Variants in CDH15 observed in about 807,000 individuals in gnomAD.
CDH15 encodes cadherin 15, also known as cadherin-15.
CDH15 carries 73 observed loss-of-function variants against 69.4 expected under a neutral mutation model. That is an observed-to-expected ratio of 1.05 (90% CI 0.87 to 1.28). The LOEUF (loss-of-function observed/expected upper bound fraction) is 1.28. Ranked by LOEUF, CDH15 falls within the 50% of genes most tolerant of loss-of-function variation. The probability of loss-of-function intolerance (pLI) is 0.00; values close to 1 mark genes in which losing one functional copy is unlikely to be tolerated. For synonymous variants in CDH15, 624 were observed against 507.7 expected (o/e 1.23, Z -3.08); for missense variants, 1,343 against 1,133.6 (o/e 1.18, Z -2.65).
intron 5 of CDH15, among the ~76,000 whole-genome samples, 155 bp from the exon 6 acceptor site, chr16:89,187,274 A>G (rs1421179305): frequency 6.6e-6 from 1 of 152,260 alleles, no homozygotes; most frequent in Admixed American, 6.5e-5. Context: ...ACTTAGGATC[A>G]GGGCAGGATT....
intron 1 of CDH15, among the ~76,000 whole-genome samples, chr16:89,175,210 G>A (rs1915233311): frequency 6.6e-6 from 1 of 152,232 alleles, no homozygotes; most frequent in Non-Finnish European, 1.5e-5. Context: ...TCCGGTGGAG[G>A]CAGCTGGAGG....
intron 8 of CDH15, among the ~76,000 whole-genome samples, chr16:89,190,804 G>T (rs935044899): frequency 3.3e-5 from 5 of 152,040 alleles, no homozygotes; most frequent in Non-Finnish European, 5.9e-5. Flanking sequence ...TCCAAGCCTG[G>T]CCCTGTGTAT....
intron 13 of CDH15, 124 bp from the exon 14 acceptor site, chr16:89,194,738 G>A (rs1597315076): frequency 1.0e-6 from 1 of 953,166 alleles, no homozygotes. Context: ...CTCGCCCCCG[G>A]ACGTGGGCAG....
At chr16:89,177,481 G>A (rs554704541) in intron 1 of CDH15, among the ~76,000 whole-genome samples, 21 of 152,260 alleles carry the variant, frequency 1.4e-4, no homozygotes, top group African/African-American at 4.8e-4. Flanking sequence ...GGCCTCCAGG[G>A]AGGAGGGTCA....
intron 10 of CDH15, 136 bp downstream of exon 10, chr16:89,192,030 C>CA (rs944623663): frequency 5.2e-6 from 6 of 1,151,472 alleles, no homozygotes; most frequent in African/African-American, 3.0e-5. Flanking sequence ...CGCCACCCCC[C>CA]CCACCACTGC....
intron 8 of CDH15, 110 bp from the exon 9 acceptor site, chr16:89,191,216 GGTAT>G (rs1250203839): frequency 1.2e-5 from 14 of 1,183,694 alleles, no homozygotes; most frequent in Admixed American, 8.5e-5. Flanking sequence ...GCATGCATGT[GGTAT>G]GTATGTGTGT....
At position 89,191,238 on chromosome 16, in the gene CDH15, T is replaced by A. The variant is rs1464238259; in HGVS notation, c.1233-92T>A. On this transcript the variant is annotated intron_variant, in intron 8 of 13. Transcript: ENST00000289746. ...TGTGGTATGTATGTGTGTGCCTGTG[T>A]GTGTGCAGTGCATGTCACGCACCCA... The A allele has an allele frequency of 4.2e-6, 6 of 1,419,108 alleles. No homozygotes were observed. In the African/African-American group the frequency reaches 7.0e-5, roughly 17 times the overall value. 87.9% of individuals were successfully genotyped at this position (1,419,108 alleles called of 1,614,324 possible).
rs368121374 is a variant in CDH15, at chr16:89,180,368, G to A, written c.357+13G>A. 9.3e-6 allele frequency: 15 copies of A among 1,609,212 alleles called. No homozygotes were observed. Among genetic ancestry groups the A allele is most frequent in the Middle Eastern group, 1.7e-4 (1 of 5,986 alleles). On this transcript the variant is annotated intron_variant, in intron 3 of 13. Coordinates refer to ENST00000289746, the MANE Select transcript of CDH15 (RefSeq NM_004933.3). ...TGATCGCTTCAGGGTGCGGAGCTGC[G>A]TGGTCGGACCTGTGCCCCTCAAGCA... is the stretch of plus-strand genomic sequence containing the variant.
chr16:89,179,409 G>T lies in CDH15; in HGVS notation c.43-7G>T. On this transcript the variant is annotated splice_polypyrimidine_tract_variant and splice_region_variant and intron_variant, in intron 1 of 13. Transcript: ENST00000289746. ...GGTACTGTGGGACGCATCTGTCTTT[G>T]TTGCAGAGCCTCTGCCTGTCTTTGG... 1 of 1,613,576 alleles carries T rather than the reference G, an allele frequency of 6.2e-7. No individual in the cohort carries two copies. The highest frequency in any genetic ancestry group is 8.5e-7 in the Non-Finnish European group (1 of 1,179,884).
intron 3 of CDH15, among the ~76,000 whole-genome samples, chr16:89,180,997 C>CTTTTTTTTTTTTTTTTTTTTT (rs1567771877): frequency 2.9e-5 from 2 of 70,024 alleles, no homozygotes; most frequent in African/African-American, 1.2e-4. Flanking sequence ...TGAGATGGAG[C>CTTTTTTTTTTTTTTTTTTTTT]TTCACTCTAC....
At position 89,191,489 on chromosome 16, in the gene CDH15, G is replaced by C. The variant is rs1286459645; in HGVS notation, c.1375+17G>C. 6.2e-7 allele frequency: 1 copy of C among 1,611,076 alleles called. No homozygotes were observed. Among genetic ancestry groups the C allele is most frequent in the South Asian group, 1.1e-5 (1 of 91,028 alleles). ...AGGATGACGGTGAGCGGCGCCGCCG[G>C]CTTGGGGCTCCCTGACCTGGCCTTG... is the stretch of plus-strand genomic sequence containing the variant. On this transcript the variant is annotated intron_variant, in intron 9 of 13. Transcript: ENST00000289746.
chr16:89,192,466 A>C (rs1421729730), intron 11 of CDH15, 22 bp downstream of exon 11: 3 of 1,562,776 alleles, frequency 1.9e-6, no homozygotes, highest in Admixed American at 3.6e-5. Context: ...CCCCGCCTCC[A>C]CCTGGACCCT....
intron 4 of CDH15, 76 bp downstream of exon 4, chr16:89,183,768 C>G: frequency 6.9e-7 from 1 of 1,457,542 alleles, no homozygotes; most frequent in Non-Finnish European, 9.2e-7. Context: ...TTCCCTTAAG[C>G]AAGAATTCCA....
intron 1 of CDH15, among the ~76,000 whole-genome samples, chr16:89,175,075 G>A (rs1915230405): frequency 6.6e-6 from 1 of 152,194 alleles, no homozygotes. Flanking sequence ...CGTGATCTGG[G>A]CAAGTGAGCC....
rs1207045518 is a variant in CDH15 at position 89,191,379 on chromosome 16, A to C, written c.1282A>C (p.Thr428Pro). ...PEDWLQVDAA[T>P]GRIQTQHVLS... Reference sequence around the variant, plus strand: ...AGACTGGCTGCAAGTGGACGCAGCCACTGGCCGGATCCAGACCCAGCACGT... The same window carrying C: ...AGACTGGCTGCAAGTGGACGCAGCCCCTGGCCGGATCCAGACCCAGCACGT... The change falls in exon 9 of 14, where the codon ACT (threonine) becomes CCT (proline). Residue 428 changes from threonine to proline, a missense_variant. Thr to Pro is a conservative substitution (Grantham distance 38). Transcript: ENST00000289746. The C allele has an allele frequency of 6.2e-7, 1 of 1,612,768 alleles. No homozygotes were observed. The highest frequency in any genetic ancestry group is 8.5e-7 in the Non-Finnish European group (1 of 1,179,964).
At position 89,191,911 on chromosome 16, in the gene CDH15, G is replaced by C. The variant is rs1356744203; in HGVS notation, c.1615+17G>C. On this transcript the variant is annotated intron_variant, in intron 10 of 13. Coordinates refer to ENST00000289746, the MANE Select transcript of CDH15 (RefSeq NM_004933.3). ...AGGTCAACGGTGCGCTCCCCTCACC[G>C]CCGCGCTCCCCCCATCCCCACGCTC... The C allele has an allele frequency of 8.5e-6, 13 of 1,535,734 alleles. No individual in the cohort carries two copies. The East Asian group carries it at 1.2e-4, about 14-fold the overall frequency.
rs1261047050 is a variant in CDH15 at position 89,185,147 on chromosome 16, C to T, written c.503-26C>T. The T allele has an allele frequency of 1.9e-6, 3 of 1,572,406 alleles. No individual in the cohort carries two copies. The Middle Eastern group carries it at 5.0e-4, about 262-fold the overall frequency. On this transcript the variant is annotated intron_variant, in intron 4 of 13. Transcript: ENST00000289746. ...AGCCCATCGGCCCTGTGGACGTTGG[C>T]CCTCACGCCTCCCTGTGCTTCCCAG...
chr16:89,176,579 G>T (rs1231735685), intron 1 of CDH15, among the ~76,000 whole-genome samples: 1 of 152,200 alleles, frequency 6.6e-6, no homozygotes, highest in Admixed American at 6.5e-5. Flanking sequence ...CTAGGTGTTG[G>T]TGTGGCGTGG....
At chr16:89,184,682 G>C (rs1173002235) in intron 4 of CDH15, among the ~76,000 whole-genome samples, 1 of 151,646 alleles carries the variant, frequency 6.6e-6, no homozygotes, top group African/African-American at 2.4e-5. Context: ...TGCGTCCTCT[G>C]CCCAGCCTGC....
Sources: gnomAD v4.1 joint callset for allele counts (sites outside exome capture counted in the v4.1 genomes callset) on GRCh38, gnomAD v4.1.1 for gene constraint, MANE v1.5 for transcripts, NCBI Gene and HGNC (gene_info 2026-07-23, HGNC 2026-07-21) for gene names.